The following LHFPL3 variants were observed in gnomAD, a reference collection of about 807,000 sequenced individuals.
LHFPL3 encodes the protein LHFPL tetraspan subfamily member 3 protein.
A neutral mutation model predicts 19.3 loss-of-function variants in LHFPL3; 5 were observed. The ratio of observed to expected loss-of-function variants is 0.26; its 90% CI spans 0.14 to 0.54. LHFPL3 has a LOEUF of 0.54. Among genes scored for constraint, LHFPL3 ranks in the 20% least tolerant of loss-of-function variants. LHFPL3 has a pLI of 0.94. For synonymous variants in LHFPL3, 133 were observed against 126.2 expected (o/e 1.05, Z -0.36); for missense variants, 249 against 307.4 (o/e 0.81, Z 1.42).
At chr7:104,444,965 G>A (rs1226248256) in intron 1 of LHFPL3, among the ~76,000 whole-genome samples, 1 of 151,476 alleles carries the variant, frequency 6.6e-6, no homozygotes, top group Non-Finnish European at 1.5e-5. Context: ...TCCAGCCTGG[G>A]CAACAAGAGT....
chr7:104,582,153 G>A (rs77589169), intron 1 of LHFPL3, among the ~76,000 whole-genome samples: 2,011 of 151,824 alleles, frequency 0.013, 19 homozygotes, highest in South Asian at 0.021. Flanking sequence ...AGTTTTTAGT[G>A]AAGAGATTTG....
intron 1 of LHFPL3, among the ~76,000 whole-genome samples, chr7:104,628,569 GGA>G (rs1227004687): frequency 1.3e-5 from 2 of 152,072 alleles, no homozygotes; most frequent in African/African-American, 4.8e-5. Context: ...CTATGTTGTT[GGA>G]ATACTAAATT....
intron 1 of LHFPL3, among the ~76,000 whole-genome samples, chr7:104,619,079 CT>C (rs1294404386): frequency 1.3e-5 from 2 of 152,174 alleles, no homozygotes; most frequent in African/African-American, 4.8e-5. Flanking sequence ...GTCAGCGGTG[CT>C]TCCTGTGCTT....
At chr7:104,474,537 G>A (rs1056835167) in intron 1 of LHFPL3, among the ~76,000 whole-genome samples, 2 of 151,838 alleles carry the variant, frequency 1.3e-5, no homozygotes, top group Admixed American at 6.6e-5. Context: ...CATGGTGGCA[G>A]GTGCCTGAAG....
chr7:104,453,006 C>T (rs1021632279), intron 1 of LHFPL3, among the ~76,000 whole-genome samples: 18 of 152,080 alleles, frequency 1.2e-4, no homozygotes, highest in African/African-American at 3.9e-4. Flanking sequence ...AACCTATACC[C>T]GTGCTTATAT....
At chr7:104,815,639 T>TCC (rs1341625939) in intron 2 of LHFPL3, among the ~76,000 whole-genome samples, 1 of 152,228 alleles carries the variant, frequency 6.6e-6, no homozygotes, top group East Asian at 1.9e-4. Context: ...CTTTTTCTCC[T>TCC]CCGTTCAGAG....
At chr7:104,673,101 C>G (rs910490654) in intron 1 of LHFPL3, among the ~76,000 whole-genome samples, 1 of 152,086 alleles carries the variant, frequency 6.6e-6, no homozygotes, top group East Asian at 1.9e-4. Context: ...TCCAGCAGAC[C>G]CCTGCAGGGT....
At chr7:104,341,336 T>C (rs1262497943) in intron 1 of LHFPL3, among the ~76,000 whole-genome samples, 1 of 152,226 alleles carries the variant, frequency 6.6e-6, no homozygotes, top group Non-Finnish European at 1.5e-5. Context: ...AGCAACAACA[T>C]TGCTTCTTAT....
At chr7:104,737,986 G>A (rs1186036448) in intron 2 of LHFPL3, among the ~76,000 whole-genome samples, 4 of 92,438 alleles carry the variant, frequency 4.3e-5, no homozygotes, top group South Asian at 1.3e-3. Flanking sequence ...CTGTTTATGC[G>A]GGTAAACTGT....
intron 1 of LHFPL3, among the ~76,000 whole-genome samples, chr7:104,685,520 G>A (rs946816864): frequency 3.3e-5 from 5 of 152,036 alleles, no homozygotes; most frequent in African/African-American, 7.2e-5. Flanking sequence ...CCTCTTCCAC[G>A]TGGTCTCCTC....
Position 104,736,743 on chromosome 7 carries a change from T to C in LHFPL3, c.514T>C (p.Cys172Arg). The change falls in exon 2 of 3, where the codon TGT becomes CGT. Residue 172 changes from cysteine (C) to arginine (R), a missense_variant. Transcript: ENST00000424859. ...GGACTCAGATGAAGTAAAACGGATG[T>C]GTGGAGAAAAGACAGACAAGTACAC... is the stretch of plus-strand genomic sequence containing the variant. Reference protein sequence around the residue: ...GWDSDEVKRMCGEKTDKYTLG... With the variant: ...GWDSDEVKRMRGEKTDKYTLG... 6.2e-7 allele frequency: 1 copy of C among 1,613,726 alleles called. No homozygotes were observed. The highest frequency in any genetic ancestry group is 8.5e-7 in the Non-Finnish European group (1 of 1,179,822).
At chr7:104,402,710 A>G (rs1791338032) in intron 1 of LHFPL3, among the ~76,000 whole-genome samples, 1 of 152,192 alleles carries the variant, frequency 6.6e-6, no homozygotes, top group South Asian at 2.1e-4. Flanking sequence ...CTTTCCTTAT[A>G]TTTGACAGAT....
intron 1 of LHFPL3, chr7:104,669,723 T>C: frequency 1.1e-6 from 1 of 917,744 alleles, no homozygotes. Context: ...AAAAATGAAA[T>C]TATTTTGCAT....
intron 1 of LHFPL3, among the ~76,000 whole-genome samples, chr7:104,587,584 G>A (rs1321672190): frequency 6.6e-6 from 1 of 152,122 alleles, no homozygotes; most frequent in African/African-American, 2.4e-5. Context: ...AAACATACAT[G>A]TTCATGTGTC....
chr7:104,837,031 G>A (rs1273297458), intron 2 of LHFPL3, among the ~76,000 whole-genome samples: 2 of 152,188 alleles, frequency 1.3e-5, no homozygotes, highest in Non-Finnish European at 2.9e-5. Flanking sequence ...GAAATATTCA[G>A]TGTGTGCACA....
At chr7:104,765,042 T>A (rs1340965810) in intron 2 of LHFPL3, among the ~76,000 whole-genome samples, 1 of 152,232 alleles carries the variant, frequency 6.6e-6, no homozygotes, top group Admixed American at 6.5e-5. Flanking sequence ...TCTTAGGACA[T>A]CAGATCTGAT....
At chr7:104,348,260 C>T (rs578117752) in intron 1 of LHFPL3, among the ~76,000 whole-genome samples, 1 of 152,206 alleles carries the variant, frequency 6.6e-6, no homozygotes, top group East Asian at 1.9e-4. Flanking sequence ...TGGTGCGTGC[C>T]TGTAATTCCA....
intron 1 of LHFPL3, among the ~76,000 whole-genome samples, chr7:104,577,629 T>G (rs1790364353): frequency 6.6e-6 from 1 of 152,200 alleles, no homozygotes; most frequent in Non-Finnish European, 1.5e-5. Flanking sequence ...AAAGATTGTT[T>G]CCCCTAGTGT....
At chr7:104,527,865 C>A (rs1794219790) in intron 1 of LHFPL3, among the ~76,000 whole-genome samples, 1 of 152,142 alleles carries the variant, frequency 6.6e-6, no homozygotes, top group South Asian at 2.1e-4. Flanking sequence ...TCTCCCCACC[C>A]AATAGAGGAC....
Sources: allele counts gnomAD v4.1 joint callset (sites outside exome capture counted in the v4.1 genomes callset), GRCh38; gene constraint gnomAD v4.1.1; transcripts MANE v1.5; gene names NCBI Gene and HGNC (gene_info 2026-07-23, HGNC 2026-07-21).